The following LSG1 variants were observed in gnomAD, a reference collection of about 807,000 sequenced individuals.
LSG1 encodes the protein large subunit GTPase 1 homolog.
LSG1 carries 55 observed loss-of-function variants against 82.6 expected under a neutral mutation model. The ratio of observed to expected loss-of-function variants is 0.67; its 90% CI spans 0.54 to 0.83. The LOEUF is 0.83. LSG1 is among the 40% of genes least tolerant of loss of function. The pLI is 0.00. For missense variants in LSG1, 809 were observed against 807.9 expected, an observed-to-expected ratio of 1.00 and a Z score of -0.02; for synonymous variants, 272 against 282.5, an observed-to-expected ratio of 0.96 and a Z score of 0.37.
Position 194,645,577 on chromosome 3 carries a change from C to CACACACACACACACAG in LSG1, c.1623+586_1623+587insCTGTGTGTGTGTGTGT, listed in dbSNP as rs1560219851. On this transcript the variant is annotated intron_variant, in intron 12 of 13. Transcript: ENST00000265245. ...ACACACACACACACACACAGACAGACACACACACACACACACACACACACA... is the reference window on the plus strand; with the variant it reads ...ACACACACACACACACACAGACAGACACACACACACACACAGACACACACACACACACACACACACA... Among the ~76,000 whole-genome samples, 5 of 33,328 alleles carry CACACACACACACACAG rather than the reference C, an allele frequency of 1.5e-4. 1 individual carries two copies. The highest frequency in any genetic ancestry group is 3.0e-3 in the East Asian group (2 of 672). 21.9% of individuals were successfully genotyped at this position (33,328 alleles called of 152,430 possible). A position where few individuals can be genotyped will look rare whatever the true frequency, so the allele number is the denominator to read the frequency against.
At chr3:194,658,800 G>A (rs1193331290) in intron 7 of LSG1, among the ~76,000 whole-genome samples, 157 bp downstream of exon 7, 14 of 152,182 alleles carry the variant, frequency 9.2e-5, no homozygotes, top group Admixed American at 9.2e-4. Context: ...GTAACTTTGT[G>A]ATTCACTTTC....
At chr3:194,644,044 A>T (rs1718455523) in intron 13 of LSG1, among the ~76,000 whole-genome samples, 1 of 152,098 alleles carries the variant, frequency 6.6e-6, no homozygotes, top group South Asian at 2.1e-4. Context: ...TGGGGGAAAA[A>T]AGGGGACAGG....
chr3:194,641,344 C>G lies in LSG1; in HGVS notation c.*724G>C, dbSNP rs1445702315. On this transcript the variant is annotated 3_prime_UTR_variant, in exon 14 of 14. Transcript: ENST00000265245. ...CATTCCTCCCATCCCGAAGCAACCA[C>G]TAATCTACTTCCTCTATATGGAGAT... is the stretch of plus-strand genomic sequence containing the variant. 1 of 152,206 alleles carries G rather than the reference C, an allele frequency of 6.6e-6. No individual in the cohort carries two copies. Among genetic ancestry groups the G allele is most frequent in the Non-Finnish European group, 1.5e-5 (1 of 68,040 alleles). 9.4% of individuals were successfully genotyped at this position (152,206 alleles called of 1,614,324 possible). A position where few individuals can be genotyped will look rare whatever the true frequency, so the allele number is the denominator to read the frequency against.
At chr3:194,655,634 A>G (rs936392560) in intron 7 of LSG1, among the ~76,000 whole-genome samples, 2 of 152,124 alleles carry the variant, frequency 1.3e-5, no homozygotes, top group Non-Finnish European at 2.9e-5. Flanking sequence ...TATAGTAATA[A>G]TTATTATTGG....
chr3:194,660,418 A>G (rs1219415630), intron 5 of LSG1, among the ~76,000 whole-genome samples: 2 of 152,176 alleles, frequency 1.3e-5, no homozygotes, highest in South Asian at 4.1e-4. Context: ...TATTGCTCTC[A>G]TACAGCCTAG....
At position 194,670,787 on chromosome 3, in the gene LSG1, T is replaced by TA. The variant is rs200669827; in HGVS notation, c.100-653dup. Among the ~76,000 whole-genome samples, 684 of 151,524 alleles carry TA rather than the reference T, an allele frequency of 4.5e-3. 11 individuals carry two copies. Among genetic ancestry groups the TA allele is most frequent in the East Asian group, 0.044 (225 of 5,160 alleles). On this transcript the variant is annotated intron_variant, in intron 1 of 13. Transcript: ENST00000265245. ...GCTATATACTTAGTATAGATACAAA[T>TA]AAAAAAAAATTGCCAGGCGTGGTGG...
intron 1 of LSG1, 76 bp from the exon 2 acceptor site, chr3:194,670,211 G>C: frequency 6.6e-7 from 1 of 1,517,888 alleles, no homozygotes; most frequent in East Asian, 2.3e-5. Flanking sequence ...AAAATTCCTT[G>C]CAACTAGTCT....
chr3:194,654,242 G>A (rs750832296), intron 7 of LSG1, among the ~76,000 whole-genome samples: 11 of 147,786 alleles, frequency 7.4e-5, no homozygotes, highest in Non-Finnish European at 1.5e-4. Flanking sequence ...ATTATTTACT[G>A]ATGAAAGATT....
chr3:194,655,312 G>C (rs1052238469), intron 7 of LSG1, among the ~76,000 whole-genome samples: 2 of 152,120 alleles, frequency 1.3e-5, no homozygotes, highest in African/African-American at 4.8e-5. Context: ...ATCTTGGTTA[G>C]TAAATCAAGA....
chr3:194,655,248 A>G (rs1718767530), intron 7 of LSG1, among the ~76,000 whole-genome samples: 1 of 152,210 alleles, frequency 6.6e-6, no homozygotes, highest in Non-Finnish European at 1.5e-5. Context: ...CATCAACAGG[A>G]GGCAGTGAGT....
Position 194,665,557 on chromosome 3 carries a change from C to A in LSG1, c.521G>T (p.Ser174Ile). Residue 174 changes from serine to isoleucine, a missense_variant and splice_region_variant, in exon 5 of 14, where the codon AGT becomes ATT. By Grantham distance (142) the Ser-to-Ile change is moderately radical. Transcript: ENST00000265245. ...WRQLWRVIER[S>I]DIVVQIVDAR... ...TACACAAAAGAAAATGATAATTCAC[C>A]TTCTCTCAATGACTCTCCAGAGCTG... 6.2e-7 allele frequency: 1 copy of A among 1,600,740 alleles called. No homozygotes were observed. Among genetic ancestry groups the A allele is most frequent in the Non-Finnish European group, 8.5e-7 (1 of 1,174,344 alleles).
intron 2 of LSG1, among the ~76,000 whole-genome samples, chr3:194,667,942 A>AATATATATATATATATATAT (rs763693435): frequency 3.4e-5 from 3 of 86,964 alleles, no homozygotes; most frequent in African/African-American, 1.4e-4. Flanking sequence ...AAAAAAAAAA[A>AATATATATATATATATATAT]ATATATATAT....
In LSG1 at chr3:194,652,808, G is replaced by C; in HGVS notation, c.1094C>G (p.Ser365Cys). The C allele has an allele frequency of 6.2e-7, 1 of 1,614,132 alleles. No individual in the cohort carries two copies. The highest frequency in any genetic ancestry group is 8.5e-7 in the Non-Finnish European group (1 of 1,180,030). Residue 365 changes from serine (S) to cysteine (C), a missense_variant, in exon 8 of 14, where the codon TCC (serine) becomes TGC (cysteine). Coordinates refer to ENST00000265245, the MANE Select transcript of LSG1 (RefSeq NM_018385.3). ...AAAGAGCTCCAGTAACTCCTGCTTG[G>C]ATACCAGATGGCTAAAATTGTGTAT... is the stretch of plus-strand genomic sequence containing the variant. ...RQIHNFSHLV[S>C]KQELLELFKE...
chr3:194,657,896 T>G (rs1008310899), intron 7 of LSG1, among the ~76,000 whole-genome samples: 1 of 152,136 alleles, frequency 6.6e-6, no homozygotes, highest in Non-Finnish European at 1.5e-5. Flanking sequence ...TCGCTTAAAA[T>G]AGTCAAAGAG....
chr3:194,660,267 T>C (rs1470070430), intron 5 of LSG1, 134 bp from the exon 6 acceptor site: 1 of 708,434 alleles, frequency 1.4e-6, no homozygotes, highest in Admixed American at 2.2e-5. Context: ...TAAGGTATAA[T>C]TATTCCCGGT....
intron 2 of LSG1, among the ~76,000 whole-genome samples, chr3:194,667,942 A>AAAAAAAAAAAT (rs1416407494): frequency 5.7e-5 from 5 of 86,960 alleles, no homozygotes; most frequent in African/African-American, 9.7e-5. Context: ...AAAAAAAAAA[A>AAAAAAAAAAAT]ATATATATAT....
At chr3:194,651,239 C>A in intron 8 of LSG1, 23 bp from the exon 9 acceptor site, 1 of 1,518,440 alleles carries the variant, frequency 6.6e-7, no homozygotes, top group South Asian at 1.1e-5. Context: ...CAGAAGTTAC[C>A]AAACAGTAAA....
chr3:194,641,216 G>C lies in LSG1; in HGVS notation c.*852C>G, dbSNP rs879239565. The C allele has an allele frequency of 6.6e-6, 1 of 152,196 alleles. No homozygotes were observed. Among genetic ancestry groups the C allele is most frequent in the Admixed American group, 6.5e-5 (1 of 15,280 alleles). 9.4% of individuals were successfully genotyped at this position (152,196 alleles called of 1,614,324 possible). A position where few individuals can be genotyped will look rare whatever the true frequency, so the allele number is the denominator to read the frequency against. On this transcript the variant is annotated 3_prime_UTR_variant, in exon 14 of 14. Coordinates refer to ENST00000265245, the MANE Select transcript of LSG1 (RefSeq NM_018385.3). ...ATACCATACAATTCACCAACGTAAA[G>C]TGTGTAATTCAATGGTCTTAAGCAT...
In LSG1 at chr3:194,644,503, T is replaced by A; in HGVS notation, c.1797+70A>T. On this transcript the variant is annotated intron_variant, in intron 13 of 13. Transcript: ENST00000265245. ...GGGTTAATAAAATGTGTTTATGGCATGTGATACTCAATAAAGCTGTTATAA... is the reference window on the plus strand; with the variant it reads ...GGGTTAATAAAATGTGTTTATGGCAAGTGATACTCAATAAAGCTGTTATAA... The A allele has an allele frequency of 2.5e-6, 3 of 1,198,700 alleles. No homozygotes were observed. The Admixed American group carries it at 6.6e-5, about 26-fold the overall frequency. The allele number at this position is 1,198,700 out of a possible 1,614,324, so 74.3% of individuals were successfully genotyped here.
Sources: allele counts gnomAD v4.1 joint callset (sites outside exome capture counted in the v4.1 genomes callset), GRCh38; gene constraint gnomAD v4.1.1; transcripts MANE v1.5; gene names NCBI Gene and HGNC (gene_info 2026-07-23, HGNC 2026-07-21).